Variants in CNGB3 observed in about 807,000 individuals in gnomAD.
CNGB3 encodes cyclic nucleotide-gated channel beta-3.
Under a neutral mutation model 92.8 loss-of-function variants are expected in CNGB3, and 86 were observed. The ratio of observed to expected loss-of-function variants is 0.93; its 90% confidence interval spans 0.78 to 1.11. The LOEUF (loss-of-function observed/expected upper bound fraction) is 1.11, where lower values mean the gene tolerates loss of function less well. Among genes scored for constraint, CNGB3 ranks in the 50% least tolerant of loss-of-function variants. CNGB3 has a pLI of 0.00. For synonymous variants in CNGB3, 333 were observed against 332.7 expected (o/e 1.00, Z -0.01); for missense variants, 1,026 against 956.8 (o/e 1.07, Z -0.95).
chr8:86,705,403 G>T (rs763672889), intron 3 of CNGB3, among the ~76,000 whole-genome samples: 1 of 151,828 alleles, frequency 6.6e-6, no homozygotes, highest in Non-Finnish European at 1.5e-5. Context: ...ACCTGCCCCC[G>T]CTGCCCCCAA....
At chr8:86,633,404 A>C (rs1389176099) in intron 10 of CNGB3, among the ~76,000 whole-genome samples, 1 of 152,160 alleles carries the variant, frequency 6.6e-6, no homozygotes, top group Non-Finnish European at 1.5e-5. Context: ...TGAGCTGGGA[A>C]GATTGGAACA....
intron 6 of CNGB3, among the ~76,000 whole-genome samples, chr8:86,664,139 G>A (rs1441123610): frequency 6.6e-6 from 1 of 152,150 alleles, no homozygotes; most frequent in Non-Finnish European, 1.5e-5. Context: ...TATAAAGTCT[G>A]CACAAGGAAT....
intron 10 of CNGB3, among the ~76,000 whole-genome samples, chr8:86,637,320 G>A (rs1823091206): frequency 1.3e-5 from 2 of 152,124 alleles, no homozygotes; most frequent in Non-Finnish European, 1.5e-5. Context: ...TGGACCATAT[G>A]TGTGTTTTTA....
intron 6 of CNGB3, chr8:86,660,493 T>C (rs915727590): frequency 4.4e-5 from 23 of 527,582 alleles, no homozygotes; most frequent in South Asian, 2.4e-4. Context: ...AAAGGAAGCA[T>C]GGCCAGGTGG....
chr8:86,630,014 C>T (rs762021791), intron 11 of CNGB3, among the ~76,000 whole-genome samples: 31 of 152,154 alleles, frequency 2.0e-4, no homozygotes, highest in Non-Finnish European at 4.0e-4. Flanking sequence ...TATGGAAAAA[C>T]GACTCATTCT....
At chr8:86,694,343 G>C (rs1824397761) in intron 3 of CNGB3, among the ~76,000 whole-genome samples, 2 of 150,872 alleles carry the variant, frequency 1.3e-5, no homozygotes, top group African/African-American at 4.9e-5. Flanking sequence ...CGGCTGGCCG[G>C]GCGGGGGGCT....
chr8:86,701,806 GA>G (rs1388594935), intron 3 of CNGB3, among the ~76,000 whole-genome samples: 1 of 151,930 alleles, frequency 6.6e-6, no homozygotes, highest in Non-Finnish European at 1.5e-5. Flanking sequence ...CATTTGTTAC[GA>G]ATTTTACCAT....
At chr8:86,597,981 T>TAAATAAAATAAAATA (rs139846097) in intron 15 of CNGB3, among the ~76,000 whole-genome samples, 21 of 111,094 alleles carry the variant, frequency 1.9e-4, no homozygotes, top group African/African-American at 8.9e-4. Flanking sequence ...TCATCTCAAA[T>TAAATAAAATAAAATA]AAATAAAATA....
intron 15 of CNGB3, among the ~76,000 whole-genome samples, chr8:86,596,581 T>C (rs1822175813): frequency 6.6e-6 from 1 of 152,178 alleles, no homozygotes; most frequent in African/African-American, 2.4e-5. Flanking sequence ...AATAACTATT[T>C]ATTAGGCACT....
At chr8:86,661,390 T>G in intron 6 of CNGB3, 1 of 432,090 alleles carries the variant, frequency 2.3e-6, no homozygotes, top group Non-Finnish European at 4.6e-6. Context: ...GAGTTAATTC[T>G]CTATCAGGAA....
intron 3 of CNGB3, among the ~76,000 whole-genome samples, chr8:86,698,925 A>G (rs1266926649): frequency 6.6e-6 from 1 of 152,176 alleles, no homozygotes; most frequent in Non-Finnish European, 1.5e-5. Context: ...TCCCTTCCCC[A>G]TTAATTGTGA....
chr8:86,686,316 C>T (rs922203437), intron 3 of CNGB3, among the ~76,000 whole-genome samples: 2 of 150,778 alleles, frequency 1.3e-5, no homozygotes, highest in Admixed American at 6.7e-5. Flanking sequence ...GTTAATGGAG[C>T]TCACCGTTCG....
intron 3 of CNGB3, among the ~76,000 whole-genome samples, chr8:86,720,482 C>G (rs1328627576): frequency 6.6e-6 from 1 of 151,792 alleles, no homozygotes; most frequent in African/African-American, 2.4e-5. Context: ...TGGCCATAAT[C>G]AAAAAATGAA....
intron 5 of CNGB3, 63 bp downstream of exon 5, chr8:86,667,956 A>C: frequency 6.4e-7 from 1 of 1,563,824 alleles, no homozygotes; most frequent in South Asian, 1.1e-5. Flanking sequence ...TGTGACTTTG[A>C]GTCACAGGGT....
At chr8:86,615,230 T>A (rs557560746) in intron 13 of CNGB3, among the ~76,000 whole-genome samples, 1 of 151,950 alleles carries the variant, frequency 6.6e-6, no homozygotes, top group East Asian at 1.9e-4. Context: ...ACTGAAAAAA[T>A]TGGAAACAAC....
At chr8:86,666,463 T>TA (rs2131614441) in intron 6 of CNGB3, among the ~76,000 whole-genome samples, 1 of 152,292 alleles carries the variant, frequency 6.6e-6, no homozygotes, top group African/African-American at 2.4e-5. Context: ...TTTGAGCAAA[T>TA]AACCTCCCTC....
chr8:86,693,904 CT>C (rs991326116), intron 3 of CNGB3, among the ~76,000 whole-genome samples: 6 of 152,182 alleles, frequency 3.9e-5, no homozygotes, highest in South Asian at 2.1e-4. Context: ...CCTTCCCCCC[CT>C]CTCCATTCCA....
chr8:86,724,972 A>C (rs971018789), intron 3 of CNGB3, among the ~76,000 whole-genome samples: 4 of 152,110 alleles, frequency 2.6e-5, no homozygotes, highest in Non-Finnish European at 5.9e-5. Flanking sequence ...TCATGTCAAG[A>C]AGTTTTTTGT....
At chr8:86,667,478 C>CTGT (rs1325934953) in intron 5 of CNGB3, among the ~76,000 whole-genome samples, 2 of 152,332 alleles carry the variant, frequency 1.3e-5, no homozygotes, top group East Asian at 3.9e-4. Context: ...TCACTGCAGC[C>CTGT]ACAGATCTTT....
Sources: gnomAD v4.1 joint callset for allele counts (sites outside exome capture counted in the v4.1 genomes callset) on GRCh38, gnomAD v4.1.1 for gene constraint, MANE v1.5 for transcripts, NCBI Gene and HGNC (gene_info 2026-07-23, HGNC 2026-07-21) for gene names.